Variants in MCTP1 observed in about 807,000 individuals in gnomAD.
The protein encoded by MCTP1 is multiple C2 and transmembrane domain containing 1.
MCTP1 carries 69 observed loss-of-function variants against 120.6 expected under a neutral mutation model. That is an observed-to-expected ratio of 0.57 (90% CI 0.47 to 0.70). MCTP1 has a LOEUF of 0.70. MCTP1 is among the 30% of genes least tolerant of loss of function. The probability of loss-of-function intolerance (pLI) is 0.00; values close to 1 mark genes in which losing one functional copy is unlikely to be tolerated. For synonymous variants in MCTP1, 529 were observed against 493.1 expected, an observed-to-expected ratio of 1.07 and a Z score of -0.96; for missense variants, 1,203 against 1,248.8, an observed-to-expected ratio of 0.96 and a Z score of 0.55.
chr5:95,251,063 A>G (rs1349190637), intron 1 of MCTP1, among the ~76,000 whole-genome samples: 2 of 152,168 alleles, frequency 1.3e-5, no homozygotes, highest in Non-Finnish European at 2.9e-5. Context: ...CTTTTGGTAA[A>G]CACAGATTTA....
At chr5:95,246,235 AAAGACCATTG>A (rs1756767437) in intron 1 of MCTP1, among the ~76,000 whole-genome samples, 1 of 152,230 alleles carries the variant, frequency 6.6e-6, no homozygotes, top group Non-Finnish European at 1.5e-5. Context: ...GCCAAATTGT[AAAGACCATTG>A]ACGCTATGAA....
chr5:95,222,819 C>T (rs907446003), intron 1 of MCTP1, among the ~76,000 whole-genome samples: 2 of 152,122 alleles, frequency 1.3e-5, no homozygotes, highest in African/African-American at 2.4e-5. Context: ...ATTTTAAAAG[C>T]ACATAATTAA....
intron 19 of MCTP1, among the ~76,000 whole-genome samples, chr5:94,720,902 C>T (rs1037025775): frequency 3.3e-5 from 5 of 152,158 alleles, no homozygotes; most frequent in Non-Finnish European, 7.3e-5. Flanking sequence ...TCATCCAATA[C>T]TCACAACCAT....
chr5:94,926,029 G>A (rs1446395254), intron 6 of MCTP1, among the ~76,000 whole-genome samples: 2 of 151,890 alleles, frequency 1.3e-5, no homozygotes, highest in African/African-American at 4.8e-5. Flanking sequence ...TTTTCACAGG[G>A]AAATAAAATT....
intron 19 of MCTP1, among the ~76,000 whole-genome samples, chr5:94,721,412 T>C (rs943422328): frequency 1.3e-5 from 2 of 152,214 alleles, no homozygotes; most frequent in Non-Finnish European, 2.9e-5. Context: ...TTTTAAATAT[T>C]CGCTCATTCT....
intron 2 of MCTP1, among the ~76,000 whole-genome samples, chr5:94,973,457 C>A (rs1185425735): frequency 6.6e-6 from 1 of 152,138 alleles, no homozygotes; most frequent in Admixed American, 6.6e-5. Flanking sequence ...GTATTGGTTA[C>A]ACCCACTCAG....
intron 1 of MCTP1, among the ~76,000 whole-genome samples, chr5:95,184,980 C>T (rs1459789369): frequency 2.0e-5 from 3 of 152,142 alleles, no homozygotes; most frequent in Non-Finnish European, 4.4e-5. Context: ...TTCTGATCCC[C>T]GAATGCTCAG....
intron 1 of MCTP1, among the ~76,000 whole-genome samples, chr5:95,272,820 A>C (rs1759512485): frequency 6.6e-6 from 1 of 152,204 alleles, no homozygotes; most frequent in Admixed American, 6.5e-5. Flanking sequence ...AGTGGGCCAA[A>C]GGGAGCAGAG....
chr5:94,956,579 T>C (rs2153544915), intron 2 of MCTP1, among the ~76,000 whole-genome samples: 1 of 152,150 alleles, frequency 6.6e-6, no homozygotes, highest in Non-Finnish European at 1.5e-5. Flanking sequence ...ATAAATGACC[T>C]GATGGAGCTG....
chr5:94,912,948 T>C lies in MCTP1; in HGVS notation c.1379A>G (p.Asp460Gly). 6.3e-7 allele frequency: 1 copy of C among 1,599,500 alleles called. No homozygotes were observed. The highest frequency in any genetic ancestry group is 2.3e-5 in the East Asian group (1 of 43,250). ...CCAAAGATGCGATTTTCTGTGTAGGTCTGATAGGCGTAAACTTTGGGTCTG... is the reference window on the plus strand; with the variant it reads ...CCAAAGATGCGATTTTCTGTGTAGGCCTGATAGGCGTAAACTTTGGGTCTG... Reference protein sequence around the residue: ...QFQTQSLRLSDLHRKSHLWRG... With the variant: ...QFQTQSLRLSGLHRKSHLWRG... Residue 460 changes from aspartate to glycine, a missense_variant, in exon 9 of 23, where the codon GAC becomes GGC. Transcript: ENST00000515393.
chr5:94,923,322 A>G (rs1812184556), intron 7 of MCTP1, among the ~76,000 whole-genome samples: 1 of 152,150 alleles, frequency 6.6e-6, no homozygotes, highest in Non-Finnish European at 1.5e-5. Context: ...TAAGTGCATT[A>G]GTAATAAATT....
At chr5:95,046,901 T>C (rs1744684600) in intron 1 of MCTP1, among the ~76,000 whole-genome samples, 1 of 152,184 alleles carries the variant, frequency 6.6e-6, no homozygotes, top group Non-Finnish European at 1.5e-5. Context: ...GATTTGAAGT[T>C]CATGAAAGAC....
chr5:95,107,186 T>C (rs567548459), intron 1 of MCTP1, among the ~76,000 whole-genome samples: 1 of 152,346 alleles, frequency 6.6e-6, no homozygotes, highest in South Asian at 2.1e-4. Flanking sequence ...TTAAATAATT[T>C]ATTTTGATGT....
chr5:94,761,450 CTTGTAA>C (rs1236938764), intron 19 of MCTP1, among the ~76,000 whole-genome samples: 3 of 152,158 alleles, frequency 2.0e-5, no homozygotes, highest in Non-Finnish European at 4.4e-5. Flanking sequence ...GACAATTCAT[CTTGTAA>C]ATCAAAAACA....
intron 10 of MCTP1, among the ~76,000 whole-genome samples, 178 bp from the exon 11 acceptor site, chr5:94,895,013 G>T (rs557616544): frequency 6.6e-6 from 1 of 152,200 alleles, no homozygotes; most frequent in East Asian, 1.9e-4. Flanking sequence ...TTATCGTAGG[G>T]TCTGTAACTG....
At chr5:95,112,231 G>A (rs1175798179) in intron 1 of MCTP1, among the ~76,000 whole-genome samples, 2 of 152,156 alleles carry the variant, frequency 1.3e-5, no homozygotes, top group Non-Finnish European at 2.9e-5. Context: ...ATCCTTTTGA[G>A]TGATGCCAGA....
intron 1 of MCTP1, among the ~76,000 whole-genome samples, chr5:95,131,192 GACA>G (rs1233084398): frequency 1.3e-5 from 2 of 152,036 alleles, no homozygotes; most frequent in East Asian, 3.9e-4. Flanking sequence ...AGTTGCCTTT[GACA>G]ACAAGGAAGG....
chr5:95,091,818 T>C (rs1371020327), intron 1 of MCTP1, among the ~76,000 whole-genome samples: 2 of 152,248 alleles, frequency 1.3e-5, no homozygotes, highest in African/African-American at 2.4e-5. Flanking sequence ...TTCAGCTAAT[T>C]TGTTACATAA....
chr5:94,761,467 AAAAT>A (rs1344036895), intron 19 of MCTP1, among the ~76,000 whole-genome samples: 2 of 152,346 alleles, frequency 1.3e-5, no homozygotes, highest in East Asian at 1.9e-4. Context: ...ATCAAAAACA[AAAAT>A]AAATATGCAC....
Sources: gnomAD v4.1 joint callset for allele counts (sites outside exome capture counted in the v4.1 genomes callset) on GRCh38, gnomAD v4.1.1 for gene constraint, MANE v1.5 for transcripts, NCBI Gene and HGNC (gene_info 2026-07-23, HGNC 2026-07-21) for gene names.